The following MYBPH variants were observed in gnomAD, a reference collection of about 807,000 sequenced individuals.
The protein encoded by MYBPH is myosin-binding protein H.
MYBPH carries 49 observed loss-of-function variants against 53.6 expected under a neutral mutation model. The ratio of observed to expected loss-of-function variants is 0.91; its 90% CI spans 0.73 to 1.16. MYBPH has a LOEUF of 1.16. Ranked by LOEUF, MYBPH falls within the 50% of genes most tolerant of loss-of-function variation. The pLI is 0.00. For synonymous variants in MYBPH, 239 were observed against 249.6 expected (o/e 0.96, Z 0.40); for missense variants, 558 against 624.1 (o/e 0.89, Z 1.13).
rs778355179 is a variant in MYBPH, at chr1:203,169,268, G to T, written c.1215C>A (p.Val405=). ...PGYSTQLFCS[V]RASPKPKIIW... is the part of the protein sequence containing the mutation. ...GGCCCCTCACCTTGGGTGAAGCTCG[G>T]ACACTGCAGAACAACTGGGTGCTGT... The change falls in exon 8 of 11, where the codon GTC becomes GTA. Residue 405 remains valine (V), a synonymous_variant. Transcript: ENST00000255416. 1 of 1,610,652 alleles carries T rather than the reference G, an allele frequency of 6.2e-7. No individual in the cohort carries two copies. Among genetic ancestry groups the T allele is most frequent in the South Asian group, 1.1e-5 (1 of 90,388 alleles).
At chr1:203,176,869 A>G (rs1655820938), upstream of MYBPH, among the ~76,000 whole-genome samples, 1 of 152,200 alleles carries the variant, frequency 6.6e-6, no homozygotes, top group Non-Finnish European at 1.5e-5. Flanking sequence ...CGTGCCGCTC[A>G]TATAACACCC....
At chr1:203,174,704 TG>T (rs1655765887) in intron 2 of MYBPH, 107 bp from the exon 3 acceptor site, 1 of 1,223,838 alleles carries the variant, frequency 8.2e-7, no homozygotes, top group Non-Finnish European at 1.1e-6. Flanking sequence ...CCTCCCTCTC[TG>T]GGCCTCATTT....
chr1:203,175,582 G>T lies in MYBPH; in HGVS notation c.174C>A (p.Ser58=). The T allele has an allele frequency of 1.9e-6, 3 of 1,613,842 alleles. No individual in the cohort carries two copies. Among genetic ancestry groups the T allele is most frequent in the Non-Finnish European group, 2.5e-6 (3 of 1,180,000 alleles). Residue 58 remains serine, a synonymous_variant, in exon 1 of 11, where the codon TCC becomes TCA. Coordinates refer to ENST00000255416, the MANE Select transcript of MYBPH (RefSeq NM_004997.3). The part of the protein sequence containing the change: ...QAPAPQAPTA[S]TATKPAPPSE... ...TTGGGGGTGCAGGCTTAGTGGCTGT[G>T]GAGGCTGTAGGGGCCTGTGGGGCAG...
rs1402474412 is a variant in MYBPH at position 203,169,143 on chromosome 1, C to T, written c.1231-51G>A. ...TGGGGAGGTATGGACTGGGGCGGGG[C>T]TCTCAACAGCTATCCCCAGGCTTAG... On this transcript the variant is annotated intron_variant, in intron 8 of 10. Transcript: ENST00000255416. 12 of 1,597,914 alleles carry T rather than the reference C, an allele frequency of 7.5e-6. No homozygotes were observed. In the East Asian group the frequency reaches 2.5e-4, roughly 33 times the overall value.
Position 203,175,709 on chromosome 1 carries a change from T to A in MYBPH, c.47A>T (p.Glu16Val), listed in dbSNP as rs534650351. The A allele has an allele frequency of 3.7e-6, 6 of 1,614,056 alleles. No homozygotes were observed. The highest frequency in any genetic ancestry group is 3.3e-5 in the South Asian group (3 of 91,078). Reference sequence around the variant, plus strand: ...CACCTTGGCAGATTCAGATGCGGTCTCCTCTGGACTGCAGGCAGGGCCCTC... The same window carrying A: ...CACCTTGGCAGATTCAGATGCGGTCACCTCTGGACTGCAGGCAGGGCCCTC... The part of the protein sequence containing the change: ...TSEGPACSPE[E>V]TASESAKVPT... Residue 16 changes from glutamate to valine, a missense_variant, in exon 1 of 11, where the codon GAG becomes GTG. Physicochemically the swap from Glu to Val is moderately radical, Grantham distance 121 (BLOSUM62 -2). Coordinates refer to ENST00000255416, the MANE Select transcript of MYBPH (RefSeq NM_004997.3).
chr1:203,168,445 G>A (rs1311422315), intron 10 of MYBPH, among the ~76,000 whole-genome samples, 182 bp downstream of exon 10: 1 of 152,158 alleles, frequency 6.6e-6, no homozygotes, highest in Non-Finnish European at 1.5e-5. Context: ...CACCGGCATC[G>A]CCTGGCCCTG....
At position 203,174,526 on chromosome 1, in the gene MYBPH, C is replaced by T. The variant is rs375537867; in HGVS notation, c.412G>A (p.Gly138Arg). 3.7e-6 allele frequency: 6 copies of T among 1,613,470 alleles called. No individual in the cohort carries two copies. The African/African-American group carries it at 8.0e-5, about 22-fold the overall frequency. ...GACACGCGCAGGAGGAACTTGTCTC[C>T]CAGAGCCAGGTTCCGCACAGTCTGC... Reference protein sequence around the residue: ...TQQTVRNLALGDKFLLRVSAV... With the variant: ...TQQTVRNLALRDKFLLRVSAV... Residue 138 changes from glycine to arginine, a missense_variant, in exon 3 of 11, where the codon GGA becomes AGA. Gly to Arg is a moderately radical substitution (Grantham distance 125). Coordinates refer to ENST00000255416, the MANE Select transcript of MYBPH (RefSeq NM_004997.3).
Position 203,170,464 on chromosome 1 carries a change from G to A in MYBPH, c.934-14C>T, listed in dbSNP as rs757195259. On this transcript the variant is annotated splice_polypyrimidine_tract_variant and intron_variant, in intron 6 of 10. Transcript: ENST00000255416. ...TGTGAACCATTGCTGCAGGGCCCCG[G>A]GTGTCACCCTCATTTCTCACCCCTG... The A allele has an allele frequency of 5.6e-6, 9 of 1,612,384 alleles. No homozygotes were observed. Among genetic ancestry groups the A allele is most frequent in the Non-Finnish European group, 6.8e-6 (8 of 1,178,966 alleles).
In MYBPH at chr1:203,168,682, G is replaced by A; in HGVS notation, c.1418-7C>T. On this transcript the variant is annotated splice_region_variant and splice_polypyrimidine_tract_variant and intron_variant, in intron 9 of 10. Coordinates refer to ENST00000255416, the MANE Select transcript of MYBPH (RefSeq NM_004997.3). ...CTTCAGTGTGCGGCTGAGGCTGGAA[G>A]AGATGCTGCAGTTAGAGCTTGGGGG... The A allele has an allele frequency of 6.4e-7, 1 of 1,568,584 alleles. No individual in the cohort carries two copies. Among genetic ancestry groups the A allele is most frequent in the Non-Finnish European group, 8.6e-7 (1 of 1,156,348 alleles).
rs1390194474 is a variant in MYBPH at position 203,171,332 on chromosome 1, T to C, written c.793+51A>G. 5.7e-6 allele frequency: 9 copies of C among 1,578,578 alleles called. No homozygotes were observed. Among genetic ancestry groups the C allele is most frequent in the South Asian group, 3.5e-5 (3 of 85,390 alleles). On this transcript the variant is annotated intron_variant, in intron 5 of 10. Coordinates refer to ENST00000255416, the MANE Select transcript of MYBPH (RefSeq NM_004997.3). This position sits in a 1 kb window ranked among gnomAD's most constrained non-coding sequence, Gnocchi z 4.2. ...CAGCCATCAGCTCTGGGATAGGAGG[T>C]TGGGGGCTCCAGGTCCCCCATGAGA...
upstream of MYBPH, chr1:203,178,839 AG>A (rs1406507713): frequency 3.3e-5 from 5 of 152,342 alleles, 1 homozygote; most frequent in East Asian, 7.7e-4. Flanking sequence ...AGGGGTCCCA[AG>A]GCTCAGAGGA....
chr1:203,169,836 G>A (rs983598300), intron 7 of MYBPH, among the ~76,000 whole-genome samples: 3 of 152,194 alleles, frequency 2.0e-5, no homozygotes, highest in Non-Finnish European at 4.4e-5. Flanking sequence ...AACATTTGAC[G>A]CAAGAAGGTC....
rs1485096419 is a variant in MYBPH at position 203,171,277 on chromosome 1, T to C, written c.794-77A>G. 1 of 1,548,612 alleles carries C rather than the reference T, an allele frequency of 6.5e-7. No individual in the cohort carries two copies. ...AGAGCCCCCACACCCAAAATTTGGC[T>C]CTTGCCACACTCCCTTGGCCTGCTC... On this transcript the variant is annotated intron_variant, in intron 5 of 10. Transcript: ENST00000255416. This position sits in a 1 kb window ranked among gnomAD's most constrained non-coding sequence, Gnocchi z 4.2.
At chr1:203,172,778 A>G (rs567918705) in intron 3 of MYBPH, among the ~76,000 whole-genome samples, 79 of 152,302 alleles carry the variant, frequency 5.2e-4, no homozygotes, top group African/African-American at 1.5e-3. Context: ...AGTGGCCACC[A>G]TCCCTGTCCC....
chr1:203,169,980 T>G (rs1235651379), intron 7 of MYBPH, among the ~76,000 whole-genome samples: 1 of 152,216 alleles, frequency 6.6e-6, no homozygotes, highest in African/African-American at 2.4e-5. Flanking sequence ...CTTCGGACAC[T>G]CACTGCCTGA....
At chr1:203,175,911 G>A (rs1655800671), upstream of MYBPH, 1 of 724,212 alleles carries the variant, frequency 1.4e-6, no homozygotes, top group Admixed American at 2.6e-5. Flanking sequence ...GTCAGGTCAA[G>A]CAGGAGGACT....
chr1:203,173,301 G>A (rs767157517), intron 3 of MYBPH, among the ~76,000 whole-genome samples: 1 of 152,226 alleles, frequency 6.6e-6, no homozygotes, highest in Non-Finnish European at 1.5e-5. Context: ...GGTCGACACA[G>A]CCATAATGCA....
Position 203,170,418 on chromosome 1 carries a change from T to C in MYBPH, c.966A>G (p.Pro322=). 6.2e-7 allele frequency: 1 copy of C among 1,614,110 alleles called. No individual in the cohort carries two copies. The highest frequency in any genetic ancestry group is 1.3e-5 in the African/African-American group (1 of 75,022). The change falls in exon 7 of 11, where the codon CCA becomes CCG. Residue 322 remains proline, a synonymous_variant. Transcript: ENST00000255416. The part of the protein sequence containing the change: ...QWFTVLERYH[P]TTCTISDLII... The stretch of plus-strand genomic sequence containing the variant: ...TGAGGTCAGAGATGGTGCAGGTGGT[T>C]GGGTGGTAGCGCTCCAGCACTGTGA...
Position 203,174,491 on chromosome 1 carries a change from A to G in MYBPH, c.447T>C (p.Ser149=). Residue 149 remains serine (S), a synonymous_variant, in exon 3 of 11, where the codon AGT becomes AGC. Transcript: ENST00000255416. ...DKFLLRVSAV[S]SAGAGPPAML... is the part of the protein sequence containing the mutation. ...TGGCCGGCGGGCCAGCCCCTGCAGA[A>G]CTCACTGCAGACACGCGCAGGAGGA... The G allele has an allele frequency of 6.2e-7, 1 of 1,613,044 alleles. No individual in the cohort carries two copies. The highest frequency in any genetic ancestry group is 8.5e-7 in the Non-Finnish European group (1 of 1,179,160).
Sources: gnomAD v4.1 joint callset for allele counts (sites outside exome capture counted in the v4.1 genomes callset) on GRCh38, gnomAD v4.1.1 for gene constraint, Gnocchi (gnomAD v3.1) non-coding constraint, MANE v1.5 for transcripts, NCBI Gene and HGNC (gene_info 2026-07-23, HGNC 2026-07-21) for gene names.